NCKAP5: variants seen among roughly 807,000 people sequenced by gnomAD.
NCKAP5 encodes NCK associated protein 5.
Under a neutral mutation model 167.0 loss-of-function variants are expected in NCKAP5, and 92 were observed. The observed-to-expected ratio is 0.55, with a 90% CI of 0.47 to 0.66. NCKAP5 has a LOEUF of 0.66. NCKAP5 is among the 30% of genes least tolerant of loss of function. The pLI, the probability that NCKAP5 is intolerant of heterozygous loss-of-function variation, is 0.00. For missense variants in NCKAP5, 2,378 were observed against 2,315.0 expected, an observed-to-expected ratio of 1.03 and a Z score of -0.56; for synonymous variants, 891 against 877.4, an observed-to-expected ratio of 1.02 and a Z score of -0.27.
intron 2 of NCKAP5, among the ~76,000 whole-genome samples, chr2:133,525,979 G>A (rs970502649): frequency 8.6e-5 from 13 of 151,856 alleles, no homozygotes; most frequent in African/African-American, 2.4e-4. Flanking sequence ...GTAACTCTGG[G>A]GATTAAAATG....
intron 4 of NCKAP5, among the ~76,000 whole-genome samples, chr2:133,276,127 G>C (rs1406443370): frequency 1.3e-5 from 2 of 151,954 alleles, no homozygotes; most frequent in Admixed American, 1.3e-4. Flanking sequence ...TTCATGAATA[G>C]GAAACATTTT....
chr2:133,652,890 G>A, the NCKAP5 span, among the ~76,000 whole-genome samples: 121 of 152,264 alleles, frequency 7.9e-4, no homozygotes, highest in East Asian at 3.9e-3. Flanking sequence ...GTTCTATCCC[G>A]GTAGATCGAT....
chr2:133,528,437 T>C (rs987067091), intron 2 of NCKAP5, among the ~76,000 whole-genome samples: 2 of 151,954 alleles, frequency 1.3e-5, no homozygotes, highest in Admixed American at 6.6e-5. Context: ...AATGCATGCA[T>C]GGGAATCACT....
rs192494359 is a variant in NCKAP5, at chr2:132,675,185, A to G, written c.5714-1880T>C. Reference sequence around the variant, plus strand: ...TGCAAGGCAGGCTGAAGGCTTTGGTACTGAAGATACACAGCTGAATAAAAT... The same window carrying G: ...TGCAAGGCAGGCTGAAGGCTTTGGTGCTGAAGATACACAGCTGAATAAAAT... On this transcript the variant is annotated intron_variant, in intron 19 of 19. Coordinates refer to ENST00000409261, the MANE Select transcript of NCKAP5 (RefSeq NM_207363.3). Among the ~76,000 whole-genome samples, 291 of 152,338 alleles carry G rather than the reference A, an allele frequency of 1.9e-3. 1 individual carries two copies. The highest frequency in any genetic ancestry group is 6.8e-3 in the African/African-American group (281 of 41,576).
At chr2:133,469,162 C>T (rs1221851870) in intron 3 of NCKAP5, among the ~76,000 whole-genome samples, 2 of 151,994 alleles carry the variant, frequency 1.3e-5, no homozygotes, top group African/African-American at 2.4e-5. Flanking sequence ...CTTTTCCTTT[C>T]CATATTTAGC....
intron 11 of NCKAP5, among the ~76,000 whole-genome samples, chr2:132,814,345 G>A (rs1686106102): frequency 6.6e-6 from 1 of 152,110 alleles, no homozygotes; most frequent in South Asian, 2.1e-4. Flanking sequence ...TATTTATGTG[G>A]CTTCCTAATA....
At chr2:132,681,225 A>T (rs1685182967) in intron 19 of NCKAP5, among the ~76,000 whole-genome samples, 1 of 152,148 alleles carries the variant, frequency 6.6e-6, no homozygotes, top group Non-Finnish European at 1.5e-5. Flanking sequence ...TACTCAAGTA[A>T]GGTTAAGAAT....
At chr2:132,894,647 A>T (rs1447964412) in intron 8 of NCKAP5, among the ~76,000 whole-genome samples, 1 of 152,176 alleles carries the variant, frequency 6.6e-6, no homozygotes, top group Non-Finnish European at 1.5e-5. Flanking sequence ...TTTGCTTCAG[A>T]AACCACAGGA....
chr2:132,771,793 C>T (rs1012820903), intron 16 of NCKAP5, among the ~76,000 whole-genome samples: 1 of 151,572 alleles, frequency 6.6e-6, no homozygotes, highest in African/African-American at 2.4e-5. Context: ...CTGCCTCAGC[C>T]TCCTGAGTAG....
intron 19 of NCKAP5, among the ~76,000 whole-genome samples, chr2:132,675,879 C>T (rs1170419109): frequency 3.3e-5 from 5 of 151,148 alleles, no homozygotes; most frequent in South Asian, 2.1e-4. Context: ...ATGAACTTCT[C>T]GGGTTTCCTT....
At chr2:132,723,208 T>C (rs1349514519) in intron 19 of NCKAP5, among the ~76,000 whole-genome samples, 1 of 144,248 alleles carries the variant, frequency 6.9e-6, no homozygotes, top group East Asian at 2.2e-4. Context: ...TGCAGTGGCA[T>C]GATCTCGGCT....
intron 6 of NCKAP5, among the ~76,000 whole-genome samples, chr2:133,048,959 C>G (rs896994153): frequency 6.6e-6 from 1 of 152,188 alleles, no homozygotes; most frequent in African/African-American, 2.4e-5. Flanking sequence ...TCTCAAATCT[C>G]ATGCTCTTTT....
chr2:133,592,059 TACACAC>T, the NCKAP5 span, among the ~76,000 whole-genome samples: 92,273 of 150,540 alleles, frequency 0.61, 29,149 homozygotes, highest in African/African-American at 0.79. Context: ...AGGATCATTC[TACACAC>T]ACACACACAC....
At chr2:132,762,686 T>C (rs941908541) in intron 16 of NCKAP5, among the ~76,000 whole-genome samples, 18 of 152,340 alleles carry the variant, frequency 1.2e-4, no homozygotes, top group Middle Eastern at 3.4e-3. Context: ...ACATTACTCT[T>C]CTCTTTCTTA....
chr2:133,550,453 C>A (rs1156322918), intron 2 of NCKAP5, among the ~76,000 whole-genome samples: 1 of 151,654 alleles, frequency 6.6e-6, no homozygotes, highest in Non-Finnish European at 1.5e-5. Context: ...ATATGCAAAT[C>A]AATAAATGTA....
chr2:132,673,155 C>T lies in NCKAP5; in HGVS notation c.*134G>A. On this transcript the variant is annotated 3_prime_UTR_variant, in exon 20 of 20. Coordinates refer to ENST00000409261, the MANE Select transcript of NCKAP5 (RefSeq NM_207363.3). ...GATGTCTCTTCATTTTTTTCTTTTT[C>T]TTCCTTCTGTCCTTCAACCTTGTTC... 7.3e-7 allele frequency: 1 copy of T among 1,362,490 alleles called. No individual in the cohort carries two copies. The highest frequency in any genetic ancestry group is 9.4e-7 in the Non-Finnish European group (1 of 1,060,506). 84.4% of individuals were successfully genotyped at this position (1,362,490 alleles called of 1,614,324 possible).
At chr2:133,130,245 C>T in intron 5 of NCKAP5, 134 bp from the exon 6 acceptor site, 1 of 953,118 alleles carries the variant, frequency 1.0e-6, no homozygotes, top group South Asian at 2.0e-5. Context: ...GAAGTAGGTC[C>T]TATTCTTAAT....
chr2:133,422,906 C>G (rs1340393399), intron 3 of NCKAP5, among the ~76,000 whole-genome samples: 1 of 152,042 alleles, frequency 6.6e-6, no homozygotes, highest in East Asian at 1.9e-4. Context: ...TTTCATGCAC[C>G]AGAGAACAAA....
chr2:132,867,787 T>C (rs1208116426), intron 10 of NCKAP5, among the ~76,000 whole-genome samples: 1 of 152,220 alleles, frequency 6.6e-6, no homozygotes, highest in Non-Finnish European at 1.5e-5. Context: ...TCGGTTTATA[T>C]GTGAGAAAGA....
Sources: gnomAD v4.1 joint callset for allele counts (sites outside exome capture counted in the v4.1 genomes callset) on GRCh38, gnomAD v4.1.1 for gene constraint, MANE v1.5 for transcripts, NCBI Gene and HGNC (gene_info 2026-07-23, HGNC 2026-07-21) for gene names.